The following ELP4 variants were observed in gnomAD, a reference collection of about 807,000 sequenced individuals.
ELP4 encodes the protein elongator acetyltransferase complex subunit 4.
ELP4 carries 51 observed loss-of-function variants against 48.9 expected under a neutral mutation model. The ratio of observed to expected loss-of-function variants is 1.04; its 90% CI spans 0.83 to 1.32. The LOEUF is 1.32. Among genes scored for constraint, ELP4 ranks in the 40% most tolerant of loss-of-function variants. ELP4 has a pLI of 0.00. For missense variants in ELP4, 519 were observed against 514.6 expected, an observed-to-expected ratio of 1.01 and a Z score of -0.08; for synonymous variants, 210 against 189.2, an observed-to-expected ratio of 1.11 and a Z score of -0.90.
intron 9 of ELP4, among the ~76,000 whole-genome samples, chr11:31,762,699 C>G (rs1004122419): frequency 1.3e-5 from 2 of 151,796 alleles, no homozygotes; most frequent in African/African-American, 4.8e-5. Context: ...AGAAGGCATT[C>G]TTAGCTAAAA....
intron 5 of ELP4, among the ~76,000 whole-genome samples, chr11:31,605,711 G>T (rs1480674952): frequency 6.6e-6 from 1 of 152,088 alleles, no homozygotes; most frequent in Non-Finnish European, 1.5e-5. Context: ...AACAGCTGAG[G>T]TAAGGAGGGG....
intron 5 of ELP4, among the ~76,000 whole-genome samples, chr11:31,623,841 A>G (rs890315071): frequency 1.4e-5 from 2 of 147,860 alleles, no homozygotes; most frequent in African/African-American, 4.9e-5. Flanking sequence ...TCAAAATATT[A>G]AGGAACTCAA....
intron 9 of ELP4, among the ~76,000 whole-genome samples, chr11:31,775,742 G>A (rs1313034826): frequency 6.6e-6 from 1 of 152,008 alleles, no homozygotes; most frequent in African/African-American, 2.4e-5. Flanking sequence ...TGAGATGGGC[G>A]GATCATGAGG....
At chr11:31,624,260 A>G (rs1378347995) in intron 5 of ELP4, among the ~76,000 whole-genome samples, 1 of 151,740 alleles carries the variant, frequency 6.6e-6, no homozygotes, top group South Asian at 2.1e-4. Context: ...TTATTGGACA[A>G]TTTCATCGAG....
chr11:31,721,169 G>A (rs1276247093), intron 9 of ELP4, among the ~76,000 whole-genome samples: 1 of 152,158 alleles, frequency 6.6e-6, no homozygotes, highest in Non-Finnish European at 1.5e-5. Flanking sequence ...GCCATCCCTG[G>A]AAAGATGTAC....
chr11:31,709,103 G>T (rs1946689896), intron 9 of ELP4, among the ~76,000 whole-genome samples: 1 of 151,956 alleles, frequency 6.6e-6, no homozygotes, highest in South Asian at 2.1e-4. Flanking sequence ...TCCTGTCATT[G>T]AATATTTTTG....
chr11:31,662,332 GC>G (rs1466003285), intron 9 of ELP4, among the ~76,000 whole-genome samples: 1 of 152,042 alleles, frequency 6.6e-6, no homozygotes, highest in African/African-American at 2.4e-5. Flanking sequence ...ATGTTCTTAA[GC>G]TTTTGTCCAC....
chr11:31,745,687 T>C (rs1446501900), intron 9 of ELP4, among the ~76,000 whole-genome samples: 2 of 152,144 alleles, frequency 1.3e-5, no homozygotes, highest in Admixed American at 6.5e-5. Context: ...TGGCTAGCCA[T>C]ATGTAGAAAG....
chr11:31,640,098 G>C (rs1037044305), intron 7 of ELP4, among the ~76,000 whole-genome samples: 4 of 151,916 alleles, frequency 2.6e-5, no homozygotes, highest in African/African-American at 7.2e-5. Flanking sequence ...GGAGCAGAAG[G>C]GGGTGTGGGG....
At chr11:31,590,868 T>A (rs1479637012) in intron 3 of ELP4, among the ~76,000 whole-genome samples, 1 of 152,110 alleles carries the variant, frequency 6.6e-6, no homozygotes, top group East Asian at 1.9e-4. Context: ...GCCCCCATAA[T>A]CTGTTCACCT....
At chr11:31,556,207 G>A (rs2133935335) in intron 3 of ELP4, among the ~76,000 whole-genome samples, 1 of 151,814 alleles carries the variant, frequency 6.6e-6, no homozygotes, top group South Asian at 2.1e-4. Context: ...ATGTAATGGT[G>A]AAAAATTACA....
rs200358643 is a variant in ELP4, at chr11:31,704,227, TA to T, written c.1143+54019del. Among the ~76,000 whole-genome samples, 994 of 141,692 alleles carry T rather than the reference TA, an allele frequency of 7.0e-3. 14 individuals are homozygous for T. The highest frequency in any genetic ancestry group is 0.055 in the East Asian group (269 of 4,930). 93.0% of individuals were successfully genotyped at this position (141,692 alleles called of 152,430 possible). A position where few individuals can be genotyped will look rare whatever the true frequency, so the allele number is the denominator to read the frequency against. On this transcript the variant is annotated intron_variant, in intron 9 of 9. Coordinates refer to ENST00000640961, the MANE Select transcript of ELP4 (RefSeq NM_019040.5). ...GAAAATAGAAAAACTTCTCAGCAAC[TA>T]AAAAAAAAAAAATCTCACATGGTTA...
intron 9 of ELP4, among the ~76,000 whole-genome samples, chr11:31,664,978 A>G (rs892342954): frequency 1.3e-4 from 20 of 152,174 alleles, no homozygotes; most frequent in Non-Finnish European, 2.6e-4. Flanking sequence ...TTCGATTTTG[A>G]ACATGCAATT....
At chr11:31,763,811 T>C (rs1947995473) in intron 9 of ELP4, among the ~76,000 whole-genome samples, 1 of 152,158 alleles carries the variant, frequency 6.6e-6, no homozygotes, top group Non-Finnish European at 1.5e-5. Flanking sequence ...TAATGTTATA[T>C]GACATCTAAA....
At chr11:31,688,228 T>A (rs1436932491) in intron 9 of ELP4, among the ~76,000 whole-genome samples, 1 of 152,214 alleles carries the variant, frequency 6.6e-6, no homozygotes, top group Non-Finnish European at 1.5e-5. Context: ...GGTGTTATGC[T>A]AATGCTGTTT....
At chr11:31,663,589 A>G (rs1278667907) in intron 9 of ELP4, 1 of 152,044 alleles carries the variant, frequency 6.6e-6, no homozygotes, top group African/African-American at 2.4e-5. Context: ...CAAAAACTTT[A>G]ACTGTTCATT....
chr11:31,734,456 A>G (rs1406099210), intron 9 of ELP4, among the ~76,000 whole-genome samples: 1 of 152,230 alleles, frequency 6.6e-6, no homozygotes, highest in Non-Finnish European at 1.5e-5. Context: ...ATATGTAGAA[A>G]ACCCTAAAGA....
intron 9 of ELP4, chr11:31,780,859 G>A (rs1439799217): frequency 1.3e-5 from 2 of 152,192 alleles, no homozygotes; most frequent in Non-Finnish European, 2.9e-5. Context: ...TTAACTAAAT[G>A]CATCATGTAA....
intron 9 of ELP4, chr11:31,687,852 A>G (rs1456932743): frequency 2.0e-5 from 3 of 152,232 alleles, no homozygotes; most frequent in African/African-American, 7.2e-5. Flanking sequence ...AGTTAATGGC[A>G]TAAGTTTAAA....
Sources: allele counts gnomAD v4.1 joint callset (sites outside exome capture counted in the v4.1 genomes callset), GRCh38; gene constraint gnomAD v4.1.1; transcripts MANE v1.5; gene names NCBI Gene and HGNC (gene_info 2026-07-23, HGNC 2026-07-21).